The following DIP2C variants were observed in gnomAD, a reference collection of about 807,000 sequenced individuals.
DIP2C encodes the protein DIP2 acetate--CoA ligase C (putative), also known as disco-interacting protein 2 homolog C.
Under a neutral mutation model 192.4 loss-of-function variants are expected in DIP2C, and 33 were observed. The observed-to-expected ratio is 0.17, with a 90% CI of 0.13 to 0.23. The LOEUF (loss-of-function observed/expected upper bound fraction) is 0.23. Ranked by LOEUF, DIP2C falls within the 10% of genes least tolerant of loss-of-function variation. The pLI is 1.00. For missense variants in DIP2C, 1,537 were observed against 2,110.1 expected (o/e 0.73, Z 5.32); for synonymous variants, 979 against 864.1 (o/e 1.13, Z -2.33).
At chr10:551,409 A>AGG (rs372839112) in intron 1 of DIP2C, among the ~76,000 whole-genome samples, 6 of 152,198 alleles carry the variant, frequency 3.9e-5, no homozygotes, top group African/African-American at 1.4e-4. Flanking sequence ...AGGCTGTGGA[A>AGG]GGGGTCCAGG....
At chr10:638,541 C>A (rs535005375) in intron 1 of DIP2C, among the ~76,000 whole-genome samples, 2 of 152,128 alleles carry the variant, frequency 1.3e-5, no homozygotes, top group African/African-American at 4.8e-5. Context: ...CTCGAAGCAC[C>A]GTACTCAGAA....
chr10:384,605 G>A lies in DIP2C; in HGVS notation c.1697C>T (p.Pro566Leu). ...VMNMMHVISI[P>L]YSLMKVNPLS... is the part of the protein sequence containing the mutation. ...AGGGTTCACCTTCATCAGCGAGTAC[G>A]GGATGCTGATCACATGCATCATGTT... Residue 566 changes from proline (P) to leucine (L), a missense_variant, in exon 15 of 37, where the codon CCG becomes CTG. Transcript: ENST00000280886. The A allele has an allele frequency of 1.2e-6, 2 of 1,613,986 alleles. No homozygotes were observed. The highest frequency in any genetic ancestry group is 1.7e-6 in the Non-Finnish European group (2 of 1,180,012).
intron 29 of DIP2C, among the ~76,000 whole-genome samples, chr10:331,030 G>A (rs1393860365): frequency 6.9e-6 from 1 of 144,052 alleles, no homozygotes; most frequent in Non-Finnish European, 1.5e-5. Flanking sequence ...TGCCCAGGCT[G>A]GTCTCAAACT....
At chr10:447,641 A>G (rs1378143290) in intron 3 of DIP2C, among the ~76,000 whole-genome samples, 4 of 140,440 alleles carry the variant, frequency 2.8e-5, no homozygotes, top group African/African-American at 1.2e-4. Context: ...AGGATCACAC[A>G]CAGTGGGGCA....
intron 1 of DIP2C, among the ~76,000 whole-genome samples, chr10:615,471 A>AC (rs1491536194): frequency 6.6e-6 from 1 of 152,172 alleles, no homozygotes; most frequent in Non-Finnish European, 1.5e-5. Flanking sequence ...TCAGTCATTT[A>AC]CAGTCACTCA....
intron 1 of DIP2C, among the ~76,000 whole-genome samples, chr10:646,261 G>GC (rs1187673272): frequency 1.2e-4 from 18 of 151,694 alleles, no homozygotes; most frequent in Non-Finnish European, 2.1e-4. Flanking sequence ...ACTGCCCCGT[G>GC]CCCCCCGCAC....
At chr10:368,375 A>G (rs1272354343) in intron 18 of DIP2C, among the ~76,000 whole-genome samples, 1 of 152,232 alleles carries the variant, frequency 6.6e-6, no homozygotes, top group East Asian at 1.9e-4. Context: ...TTGAAAATTA[A>G]ATATTAAAGA....
At chr10:401,581 T>TGA (rs201192307) in intron 9 of DIP2C, among the ~76,000 whole-genome samples, 3 of 112,024 alleles carry the variant, frequency 2.7e-5, no homozygotes, top group Non-Finnish European at 3.9e-5. Context: ...ATGAATCCTA[T>TGA]TTTACATGTG....
rs1965985624 is a variant in DIP2C, at chr10:418,943, T to C, written c.739+122A>G. 4.2e-6 allele frequency: 6 copies of C among 1,441,312 alleles called. No homozygotes were observed. The Admixed American group carries it at 1.1e-4, about 27-fold the overall frequency. The allele number at this position is 1,441,312 out of a possible 1,614,324, so 89.3% of individuals were successfully genotyped here. Reference sequence around the variant, plus strand: ...CCATGAGAGGCTCCCGAAGATCTGATAAATTGGCTTTGTCAGAACCGATTG... The same window carrying C: ...CCATGAGAGGCTCCCGAAGATCTGACAAATTGGCTTTGTCAGAACCGATTG... On this transcript the variant is annotated intron_variant, in intron 6 of 36. Coordinates refer to ENST00000280886, the MANE Select transcript of DIP2C (RefSeq NM_014974.3).
At chr10:465,567 G>T (rs1377025504) in intron 3 of DIP2C, among the ~76,000 whole-genome samples, 1 of 152,176 alleles carries the variant, frequency 6.6e-6, no homozygotes, top group South Asian at 2.1e-4. Context: ...GAAACAAAGG[G>T]TATTCAATTA....
chr10:549,208 T>C (rs1157569497), intron 1 of DIP2C, among the ~76,000 whole-genome samples: 3 of 152,200 alleles, frequency 2.0e-5, no homozygotes, highest in Non-Finnish European at 4.4e-5. Context: ...AGTTACTTTT[T>C]CATTATTGCT....
chr10:526,841 GCT>G (rs771445291), intron 1 of DIP2C, among the ~76,000 whole-genome samples: 11 of 152,298 alleles, frequency 7.2e-5, no homozygotes, highest in African/African-American at 2.2e-4. Flanking sequence ...CTGGTGCCGT[GCT>G]CTGAGGCTCT....
intron 32 of DIP2C, among the ~76,000 whole-genome samples, chr10:307,610 G>C (rs889562521): frequency 1.3e-5 from 2 of 152,158 alleles, no homozygotes; most frequent in African/African-American, 4.8e-5. Flanking sequence ...AAGGGAGAAG[G>C]GGCCCAGCCA....
At chr10:596,906 T>C (rs1564247300) in intron 1 of DIP2C, among the ~76,000 whole-genome samples, 1 of 152,320 alleles carries the variant, frequency 6.6e-6, no homozygotes, top group Non-Finnish European at 1.5e-5. Context: ...GCAATGCGCA[T>C]AGTGACGCGA....
At chr10:657,912 A>G (rs1023253197) in intron 1 of DIP2C, among the ~76,000 whole-genome samples, 100 of 71,674 alleles carry the variant, frequency 1.4e-3, no homozygotes, top group East Asian at 2.2e-3. Context: ...TGGACCTGCC[A>G]CTGGACCTGT....
chr10:282,394 T>C (rs1175084924), intron 35 of DIP2C, among the ~76,000 whole-genome samples: 1 of 152,230 alleles, frequency 6.6e-6, no homozygotes, highest in Non-Finnish European at 1.5e-5. Flanking sequence ...TGCCAGGATA[T>C]TTCTGTATGA....
At chr10:385,136 C>T (rs553459974) in intron 14 of DIP2C, among the ~76,000 whole-genome samples, 5 of 151,044 alleles carry the variant, frequency 3.3e-5, no homozygotes, top group South Asian at 2.1e-4. Flanking sequence ...GCACCGTGGA[C>T]GCCAGGCTGC....
intron 1 of DIP2C, 98 bp from the exon 2 acceptor site, chr10:486,628 G>T: frequency 3.1e-6 from 3 of 980,904 alleles, no homozygotes; most frequent in Non-Finnish European, 4.4e-6. Flanking sequence ...AGTATCTTCT[G>T]TGTGCCTCAT....
chr10:508,883 C>A (rs1845816922), intron 1 of DIP2C, among the ~76,000 whole-genome samples: 1 of 152,184 alleles, frequency 6.6e-6, no homozygotes, highest in African/African-American at 2.4e-5. Context: ...GCTGTTCCAA[C>A]AGCAGTGCTG....
Sources: allele counts gnomAD v4.1 joint callset (sites outside exome capture counted in the v4.1 genomes callset), GRCh38; gene constraint gnomAD v4.1.1; transcripts MANE v1.5; gene names NCBI Gene and HGNC (gene_info 2026-07-23, HGNC 2026-07-21).